Variants in FUT8 observed in about 807,000 individuals in gnomAD.
The protein encoded by FUT8 is fucosyltransferase 8, also known as alpha-(1,6)-fucosyltransferase.
A neutral mutation model predicts 71.3 loss-of-function variants in FUT8; 29 were observed. The observed-to-expected ratio is 0.41, with a 90% CI of 0.30 to 0.55. The LOEUF (loss-of-function observed/expected upper bound fraction) is 0.55. Among genes scored for constraint, FUT8 ranks in the 20% least tolerant of loss-of-function variants. The probability of loss-of-function intolerance (pLI) is 0.34; values close to 1 mark genes in which losing one functional copy is unlikely to be tolerated. For synonymous variants in FUT8, 254 were observed against 239.3 expected, an observed-to-expected ratio of 1.06 and a Z score of -0.57; for missense variants, 544 against 702.1, an observed-to-expected ratio of 0.77 and a Z score of 2.55.
intron 2 of FUT8, among the ~76,000 whole-genome samples, chr14:65,510,117 C>T (rs1425921732): frequency 6.6e-6 from 1 of 152,006 alleles, no homozygotes; most frequent in Non-Finnish European, 1.5e-5. Flanking sequence ...CTTCTATACT[C>T]ATGTTTTTGA....
the FUT8 span, among the ~76,000 whole-genome samples, chr14:65,390,451 T>C: frequency 4.6e-5 from 7 of 152,016 alleles, no homozygotes; most frequent in African/African-American, 1.7e-4. Context: ...ACTTTTCCTT[T>C]TATGCCTTTT....
At chr14:65,474,178 G>A (rs892426091) in intron 2 of FUT8, among the ~76,000 whole-genome samples, 6 of 151,842 alleles carry the variant, frequency 4.0e-5, no homozygotes, top group East Asian at 3.9e-4. Flanking sequence ...GATAAAAAAC[G>A]ATATATTGGG....
At chr14:65,538,403 G>C (rs1473555873) in intron 2 of FUT8, among the ~76,000 whole-genome samples, 1 of 152,146 alleles carries the variant, frequency 6.6e-6, no homozygotes, top group East Asian at 1.9e-4. Context: ...ATCAGCCCCT[G>C]TTCTTTCAGT....
chr14:65,410,165 T>A (rs149540167), upstream of FUT8, among the ~76,000 whole-genome samples: 3 of 152,326 alleles, frequency 2.0e-5, no homozygotes, highest in East Asian at 3.9e-4. Context: ...TTCTAGGAAT[T>A]TTCTTGTCTG....
At chr14:65,678,619 T>G (rs182315804) in intron 7 of FUT8, among the ~76,000 whole-genome samples, 91 of 152,286 alleles carry the variant, frequency 6.0e-4, no homozygotes, top group Non-Finnish European at 6.2e-4. Flanking sequence ...CTAATATGTA[T>G]ATAATACTAA....
chr14:65,618,510 A>G lies in FUT8; in HGVS notation c.482+2137A>G, dbSNP rs1889427937. ...CAATGAATCTGGGACATAACTTCAT[A>G]GGGTAGTAATTTAACTCCAGGAAGC... is the stretch of plus-strand genomic sequence containing the variant. On this transcript the variant is annotated intron_variant, in intron 5 of 10. Transcript: ENST00000673929. Among the ~76,000 whole-genome samples, 2 of 152,208 alleles carry G rather than the reference A, an allele frequency of 1.3e-5. 1 individual carries two copies. Among genetic ancestry groups the G allele is most frequent in the South Asian group, 4.1e-4 (2 of 4,834 alleles).
chr14:65,511,123 C>T (rs1254794519), intron 2 of FUT8, among the ~76,000 whole-genome samples: 1 of 151,962 alleles, frequency 6.6e-6, no homozygotes, highest in Non-Finnish European at 1.5e-5. Flanking sequence ...TCATTTGTTT[C>T]AAGGAAGTTT....
At chr14:65,563,258 A>G (rs980201188) in intron 3 of FUT8, among the ~76,000 whole-genome samples, 1 of 152,016 alleles carries the variant, frequency 6.6e-6, no homozygotes, top group African/African-American at 2.4e-5. Flanking sequence ...AGGGGTTAGT[A>G]ATAATAGCTG....
chr14:65,581,366 C>A (rs1438537355), intron 3 of FUT8, among the ~76,000 whole-genome samples: 1 of 152,046 alleles, frequency 6.6e-6, no homozygotes, highest in Non-Finnish European at 1.5e-5. Flanking sequence ...TTTATTATAA[C>A]CAGTTAGTCT....
chr14:65,393,925 T>A, the FUT8 span, among the ~76,000 whole-genome samples: 3 of 151,654 alleles, frequency 2.0e-5, no homozygotes, highest in Admixed American at 1.3e-4. Context: ...CAAGACAGAG[T>A]GAGAGCCAAG....
chr14:65,730,473 AC>A (rs1157744361), intron 9 of FUT8, among the ~76,000 whole-genome samples: 1 of 152,114 alleles, frequency 6.6e-6, no homozygotes, highest in Admixed American at 6.5e-5. Context: ...GGAGATTGAG[AC>A]CATCCTGGCT....
At chr14:65,548,980 A>T (rs930808924) in intron 2 of FUT8, among the ~76,000 whole-genome samples, 3 of 152,180 alleles carry the variant, frequency 2.0e-5, no homozygotes, top group Admixed American at 1.3e-4. Context: ...AGATGGCCAG[A>T]TGTTCAGTGT....
chr14:65,411,766 G>A (rs1015338677), upstream of FUT8: 12 of 332,804 alleles, frequency 3.6e-5, no homozygotes, highest in Non-Finnish European at 5.9e-5. Context: ...GAAGAGTTTG[G>A]AACGGGAAGC....
intron 7 of FUT8, among the ~76,000 whole-genome samples, chr14:65,688,427 A>AT (rs1893407548): frequency 7.5e-6 from 1 of 133,890 alleles, no homozygotes; most frequent in Non-Finnish European, 1.5e-5. Context: ...ATTTCTTTTT[A>AT]TTGCTGAATT....
intron 1 of FUT8, among the ~76,000 whole-genome samples, chr14:65,425,246 A>G (rs2065365410): frequency 6.6e-6 from 1 of 151,156 alleles, no homozygotes; most frequent in African/African-American, 2.4e-5. Flanking sequence ...GCTCACCACA[A>G]CCTCCACCTC....
chr14:65,369,159 G>A, the FUT8 span, among the ~76,000 whole-genome samples: 1 of 152,178 alleles, frequency 6.6e-6, no homozygotes, highest in Admixed American at 6.5e-5. This position sits in a 1 kb window ranked among gnomAD's most constrained non-coding sequence, Gnocchi z 4.6. Flanking sequence ...CATGCGGCAA[G>A]TGGCTACCCT....
At chr14:65,692,631 G>A (rs1173096095) in intron 7 of FUT8, among the ~76,000 whole-genome samples, 2 of 151,536 alleles carry the variant, frequency 1.3e-5, no homozygotes, top group African/African-American at 4.8e-5. Context: ...CCTCCCAGAC[G>A]GGGTGGCTGC....
intron 2 of FUT8, among the ~76,000 whole-genome samples, chr14:65,514,045 A>G (rs1270860899): frequency 6.6e-6 from 1 of 152,220 alleles, no homozygotes; most frequent in East Asian, 1.9e-4. Context: ...GCACAAAGAT[A>G]TTTTGTATGC....
chr14:65,560,647 A>G (rs1357401383), intron 2 of FUT8, among the ~76,000 whole-genome samples: 1 of 152,220 alleles, frequency 6.6e-6, no homozygotes, highest in Non-Finnish European at 1.5e-5. Context: ...CACAGTAACT[A>G]AGATGTAACT....
Sources: gnomAD v4.1 joint callset for allele counts (sites outside exome capture counted in the v4.1 genomes callset) on GRCh38, gnomAD v4.1.1 for gene constraint, Gnocchi (gnomAD v3.1) non-coding constraint, MANE v1.5 for transcripts, NCBI Gene and HGNC (gene_info 2026-07-23, HGNC 2026-07-21) for gene names.